The following ABL1 variants were observed in gnomAD, a reference collection of about 807,000 sequenced individuals.
ABL1 encodes tyrosine-protein kinase ABL1.
Under a neutral mutation model 94.7 loss-of-function variants are expected in ABL1, and 11 were observed. The ratio of observed to expected loss-of-function variants is 0.12; its 90% CI spans 0.07 to 0.19. ABL1 has a LOEUF of 0.19. Ranked by LOEUF, ABL1 falls within the 10% of genes least tolerant of loss-of-function variation. The pLI, the probability that ABL1 is intolerant of heterozygous loss-of-function variation, is 1.00. For synonymous variants in ABL1, 656 were observed against 622.4 expected, an observed-to-expected ratio of 1.05 and a Z score of -0.80; for missense variants, 1,082 against 1,489.4, an observed-to-expected ratio of 0.73 and a Z score of 4.50.
intron 3 of ABL1, among the ~76,000 whole-genome samples, chr9:130,856,145 A>G (rs190184898): frequency 1.6e-3 from 247 of 152,148 alleles, no homozygotes; most frequent in African/African-American, 5.7e-3. Context: ...CTGGAGTGCA[A>G]TGGTGCGTTC....
rs1830260627 is a variant in ABL1, at chr9:130,814,754, G to A, written c.137-39310G>A. Among the ~76,000 whole-genome samples the A allele has an allele frequency of 1.3e-5, 2 of 152,160 alleles. No individual in the cohort carries two copies. Among genetic ancestry groups the A allele is most frequent in the South Asian group, 4.1e-4 (2 of 4,824 alleles). On this transcript the variant is annotated intron_variant, in intron 1 of 10. Coordinates refer to the ABL1 transcript ENST00000372348. This position sits in a 1 kb window ranked among gnomAD's most constrained non-coding sequence, Gnocchi z 4.4. ...TCTCCGGGCGTGGTGGCGGGCGCCT[G>A]TAGTCCCAGCTACTCAGGAGGCTGA...
intron 1 of ABL1, among the ~76,000 whole-genome samples, chr9:130,804,676 T>G (rs771539957): frequency 2.0e-5 from 3 of 152,234 alleles, no homozygotes; most frequent in Non-Finnish European, 2.9e-5. Context: ...TTTTGAAATT[T>G]TAAACAATTT....
intron 1 of ABL1, among the ~76,000 whole-genome samples, chr9:130,751,005 T>C (rs1468434223): frequency 6.6e-6 from 1 of 151,844 alleles, no homozygotes; most frequent in African/African-American, 2.4e-5. Flanking sequence ...AGAGGAGTGT[T>C]GATAGGATAG....
chr9:130,860,806 G>A (rs183153269), intron 3 of ABL1, among the ~76,000 whole-genome samples: 16 of 152,294 alleles, frequency 1.1e-4, no homozygotes, highest in African/African-American at 2.2e-4. Flanking sequence ...ACTTGCCACC[G>A]GCAGTGAAGT....
chr9:130,778,300 A>G (rs570860219), intron 1 of ABL1, among the ~76,000 whole-genome samples: 13 of 120,902 alleles, frequency 1.1e-4, no homozygotes, highest in African/African-American at 1.9e-4. Flanking sequence ...GTGTTGGGAC[A>G]CTGACTCACT....
intron 10 of ABL1, 72 bp from the exon 11 acceptor site, chr9:130,883,897 G>C: frequency 3.3e-6 from 5 of 1,517,734 alleles, no homozygotes; most frequent in Non-Finnish European, 4.4e-6. Context: ...TCTGCCTCCC[G>C]GGTTCAAGCG....
chr9:130,874,497 A>G (rs1360774668), intron 6 of ABL1, among the ~76,000 whole-genome samples: 1 of 152,198 alleles, frequency 6.6e-6, no homozygotes, highest in Admixed American at 6.5e-5. Context: ...TGCACTTACT[A>G]TTCTCGACAC....
rs562964336 is a variant in ABL1, at chr9:130,877,040, A to G, written c.1271-1375A>G. 1.0e-4 allele frequency among the ~76,000 whole-genome samples: 15 copies of G among 147,952 alleles called. 3 individuals carry two copies. Among genetic ancestry groups the G allele is most frequent in the African/African-American group, 1.8e-4 (7 of 38,672 alleles). ...TCTTAATACCCTTCAGTGGTGGCCAATTAGGTTTTTGCTGTCATTGGTGGT... is the reference window on the plus strand; with the variant it reads ...TCTTAATACCCTTCAGTGGTGGCCAGTTAGGTTTTTGCTGTCATTGGTGGT... On this transcript the variant is annotated intron_variant, in intron 7 of 10. Coordinates refer to ENST00000318560, the MANE Select transcript of ABL1 (RefSeq NM_005157.6).
chr9:130,736,334 A>G (rs1453508433), intron 1 of ABL1, among the ~76,000 whole-genome samples: 1 of 152,078 alleles, frequency 6.6e-6, no homozygotes, highest in Non-Finnish European at 1.5e-5. Flanking sequence ...TTACAGTCCC[A>G]TCGCTGGTAA....
At chr9:130,792,043 C>G (rs1031944372) in intron 1 of ABL1, among the ~76,000 whole-genome samples, 5 of 152,022 alleles carry the variant, frequency 3.3e-5, no homozygotes, top group African/African-American at 1.2e-4. Context: ...ATTAACTTGC[C>G]TAAAGATCAC....
At chr9:130,867,131 A>G (rs1364543894) in intron 4 of ABL1, among the ~76,000 whole-genome samples, 1 of 152,242 alleles carries the variant, frequency 6.6e-6, no homozygotes, top group Non-Finnish European at 1.5e-5. Context: ...TGACAAATTT[A>G]CTACTTAAAC....
chr9:130,791,262 G>A (rs1018480960), intron 1 of ABL1, among the ~76,000 whole-genome samples: 17 of 152,198 alleles, frequency 1.1e-4, no homozygotes, highest in Admixed American at 1.0e-3. Flanking sequence ...AAAGTAGGCA[G>A]TGAAAATAAC....
At chr9:130,847,235 G>A (rs546010897) in intron 1 of ABL1, among the ~76,000 whole-genome samples, 296 of 152,174 alleles carry the variant, frequency 1.9e-3, no homozygotes, top group African/African-American at 6.9e-3. Context: ...TCTGTTTAAA[G>A]TATGACTCAG....
intron 1 of ABL1, among the ~76,000 whole-genome samples, chr9:130,819,428 C>G (rs1176806745): frequency 1.3e-5 from 2 of 151,618 alleles, no homozygotes; most frequent in Non-Finnish European, 2.9e-5. Flanking sequence ...AGCTGCCTCT[C>G]TAATGTTCGT....
At chr9:130,762,909 CAAAAAAA>C (rs5900905) in intron 1 of ABL1, among the ~76,000 whole-genome samples, 7 of 92,880 alleles carry the variant, frequency 7.5e-5, no homozygotes, top group Admixed American at 6.5e-4. Context: ...GACTCCGTCT[CAAAAAAA>C]AAAAAAAAAA....
At chr9:130,773,050 G>A (rs1832271145) in intron 1 of ABL1, among the ~76,000 whole-genome samples, 1 of 152,236 alleles carries the variant, frequency 6.6e-6, no homozygotes, top group Non-Finnish European at 1.5e-5. Flanking sequence ...GCCGGGTGCA[G>A]CGGCTCACAC....
Position 130,862,397 on chromosome 9 carries a change from C to T in ABL1, c.550-366C>T, listed in dbSNP as rs759349471. 1.3e-5 allele frequency among the ~76,000 whole-genome samples: 2 copies of T among 152,064 alleles called. No individual in the cohort carries two copies. The highest frequency in any genetic ancestry group is 2.9e-5 in the Non-Finnish European group (2 of 68,012). On this transcript the variant is annotated intron_variant, in intron 3 of 10. Transcript: ENST00000318560. This position sits in a 1 kb window ranked among gnomAD's most constrained non-coding sequence, Gnocchi z 5.5. ...AAGTAAGACAGGTGGTAGGATGACC[C>T]GTGCCGTGTGATGACTTTAGATTGG...
intron 1 of ABL1, among the ~76,000 whole-genome samples, chr9:130,797,160 C>T (rs1030538434): frequency 2.8e-5 from 4 of 145,148 alleles, no homozygotes; most frequent in African/African-American, 1.0e-4. Context: ...CGCTTGAACC[C>T]AGGCGGCAAA....
intron 1 of ABL1, among the ~76,000 whole-genome samples, chr9:130,822,678 A>G (rs552247988): frequency 2.0e-5 from 3 of 152,048 alleles, no homozygotes; most frequent in Admixed American, 6.6e-5. Context: ...TTATGTGCTT[A>G]TTAGCCATTT....
Sources: allele counts gnomAD v4.1 joint callset (sites outside exome capture counted in the v4.1 genomes callset), GRCh38; gene constraint gnomAD v4.1.1; non-coding constraint Gnocchi (gnomAD v3.1); transcripts MANE v1.5; gene names NCBI Gene and HGNC (gene_info 2026-07-23, HGNC 2026-07-21).